Variants in DYNC2I1 observed in about 807,000 individuals in gnomAD.
The protein encoded by DYNC2I1 is dynein 2 intermediate chain 1, also known as cytoplasmic dynein 2 intermediate chain 1.
DYNC2I1 carries 89 observed loss-of-function variants against 133.4 expected under a neutral mutation model. The ratio of observed to expected loss-of-function variants is 0.67; its 90% CI spans 0.56 to 0.80. DYNC2I1 has a LOEUF of 0.80. DYNC2I1 is among the 30% of genes least tolerant of loss of function. DYNC2I1 has a pLI of 0.00. For missense variants in DYNC2I1, 1,291 were observed against 1,314.5 expected (o/e 0.98, Z 0.28); for synonymous variants, 504 against 484.3 (o/e 1.04, Z -0.54).
chr7:158,877,517 G>A (rs1022567701), intron 4 of DYNC2I1, among the ~76,000 whole-genome samples: 1 of 152,186 alleles, frequency 6.6e-6, no homozygotes, highest in Non-Finnish European at 1.5e-5. Flanking sequence ...TTACATAAAA[G>A]TTGTAATTAT....
chr7:158,885,252 T>C (rs528983555), intron 6 of DYNC2I1, among the ~76,000 whole-genome samples: 38 of 152,250 alleles, frequency 2.5e-4, no homozygotes, highest in Middle Eastern at 3.4e-3. Flanking sequence ...TACCTCTTAG[T>C]TGCAGTGTTG....
At chr7:158,907,922 G>A (rs1323923305) in intron 11 of DYNC2I1, among the ~76,000 whole-genome samples, 1 of 151,986 alleles carries the variant, frequency 6.6e-6, no homozygotes, top group Non-Finnish European at 1.5e-5. Flanking sequence ...TGGTAATCTA[G>A]TAATTGGTAG....
chr7:158,935,513 G>A (rs1371816816), intron 23 of DYNC2I1, among the ~76,000 whole-genome samples: 4 of 152,192 alleles, frequency 2.6e-5, no homozygotes, highest in Admixed American at 2.0e-4. Context: ...GGGAAAGATT[G>A]TTATTTATTC....
intron 4 of DYNC2I1, 66 bp from the exon 5 acceptor site, chr7:158,879,614 CAGAG>C: frequency 1.4e-6 from 2 of 1,476,548 alleles, no homozygotes; most frequent in Middle Eastern, 4.6e-4. Flanking sequence ...GCAGAACCCA[CAGAG>C]AGGGAGGGCT....
At chr7:158,919,533 A>G (rs1267620319) in intron 15 of DYNC2I1, among the ~76,000 whole-genome samples, 1 of 152,202 alleles carries the variant, frequency 6.6e-6, no homozygotes, top group African/African-American at 2.4e-5. Flanking sequence ...GTTTTTGTGG[A>G]GAACCAGCAG....
Position 158,871,579 on chromosome 7 carries a change from C to T in DYNC2I1, c.490+17C>T, listed in dbSNP as rs560026653. The stretch of plus-strand genomic sequence containing the variant: ...GCCGCTCAGGTGGGTCCCCGCTTGC[C>T]TTCCTGTGGTTCCACCCGAGGTGCC... On this transcript the variant is annotated intron_variant, in intron 3 of 24. Coordinates refer to ENST00000407559, the MANE Select transcript of DYNC2I1 (RefSeq NM_018051.5). The T allele has an allele frequency of 2.2e-5, 34 of 1,513,332 alleles. No homozygotes were observed. In the South Asian group the frequency reaches 3.4e-4, roughly 15 times the overall value. 93.7% of individuals were successfully genotyped at this position (1,513,332 alleles called of 1,614,324 possible). A position where few individuals can be genotyped will look rare whatever the true frequency, so the allele number is the denominator to read the frequency against.
At chr7:158,941,899 G>T (rs1245905110) in intron 23 of DYNC2I1, 26 bp from the exon 24 acceptor site, 1 of 1,570,096 alleles carries the variant, frequency 6.4e-7, no homozygotes, top group African/African-American at 1.4e-5. Context: ...GCCATGCTCA[G>T]CAGTGTTCTT....
rs74965627 is a variant in DYNC2I1 at position 158,913,132 on chromosome 7, T to G, written c.1702+36T>G. On this transcript the variant is annotated intron_variant, in intron 13 of 24. Coordinates refer to ENST00000407559, the MANE Select transcript of DYNC2I1 (RefSeq NM_018051.5). Reference sequence around the variant, plus strand: ...GCTCTTGAGTGTTGACCATTGACTCTCTTTACATTCTTTTTTGTTTTATTT... The same window carrying G: ...GCTCTTGAGTGTTGACCATTGACTCGCTTTACATTCTTTTTTGTTTTATTT... 2.7e-3 allele frequency: 3,858 copies of G among 1,428,934 alleles called. 12 individuals are homozygous for G. The highest frequency in any genetic ancestry group is 0.01 in the Middle Eastern group (56 of 5,580). 88.5% of individuals were successfully genotyped at this position (1,428,934 alleles called of 1,614,324 possible).
downstream of DYNC2I1, among the ~76,000 whole-genome samples, chr7:158,948,341 G>A (rs1466933602): frequency 2.0e-5 from 3 of 152,228 alleles, no homozygotes; most frequent in Non-Finnish European, 2.9e-5. Context: ...TTCTTCCAAG[G>A]CAGACAGCGG....
At chr7:158,844,189 T>A in the DYNC2I1 span, among the ~76,000 whole-genome samples, 218 of 152,322 alleles carry the variant, frequency 1.4e-3, 1 homozygote, top group African/African-American at 4.8e-3. Flanking sequence ...AGTTCCCAAG[T>A]GAGTTTGGGG....
intron 15 of DYNC2I1, among the ~76,000 whole-genome samples, chr7:158,921,419 C>T (rs192123074): frequency 1.3e-4 from 20 of 152,226 alleles, no homozygotes; most frequent in South Asian, 2.1e-4. Context: ...TCCTAAAAAT[C>T]GCTACACCGT....
At chr7:158,862,541 AC>A (rs1390413131) in intron 1 of DYNC2I1, among the ~76,000 whole-genome samples, 1 of 129,662 alleles carries the variant, frequency 7.7e-6, no homozygotes, top group African/African-American at 3.1e-5. Flanking sequence ...ACATAGCAAG[AC>A]CCTATCTCTT....
intron 11 of DYNC2I1, among the ~76,000 whole-genome samples, chr7:158,908,801 C>A (rs1420692186): frequency 6.6e-6 from 1 of 152,132 alleles, no homozygotes; most frequent in Non-Finnish European, 1.5e-5. Context: ...ACAGGAAATA[C>A]CTGTCGGTGG....
chr7:158,928,329 C>T (rs1849832208), intron 20 of DYNC2I1, among the ~76,000 whole-genome samples: 1 of 151,968 alleles, frequency 6.6e-6, no homozygotes, highest in Non-Finnish European at 1.5e-5. Flanking sequence ...TAATGACAAA[C>T]CCCCCTTTCA....
chr7:158,887,154 T>C (rs1162452563), intron 7 of DYNC2I1, 79 bp downstream of exon 7: 2 of 1,469,046 alleles, frequency 1.4e-6, no homozygotes, highest in Non-Finnish European at 9.5e-7. Flanking sequence ...GGCTTCCCCT[T>C]GAAACCAGAG....
chr7:158,915,657 G>A (rs1417089439), intron 14 of DYNC2I1, among the ~76,000 whole-genome samples: 10 of 126,830 alleles, frequency 7.9e-5, no homozygotes, highest in Admixed American at 1.5e-4. Flanking sequence ...CGACACGGTG[G>A]TTGACATTAA....
the DYNC2I1 span, among the ~76,000 whole-genome samples, chr7:158,841,505 G>A: frequency 2.0e-5 from 3 of 151,988 alleles, no homozygotes; most frequent in South Asian, 2.1e-4. Context: ...AAGCCACCAC[G>A]CCCGGCCCCA....
intron 7 of DYNC2I1, among the ~76,000 whole-genome samples, chr7:158,890,860 C>A (rs1845140297): frequency 6.6e-6 from 1 of 152,092 alleles, no homozygotes; most frequent in Non-Finnish European, 1.5e-5. Context: ...AGGCGTGAAC[C>A]ACTGTGCCCA....
At chr7:158,883,483 C>G (rs1237426346) in intron 5 of DYNC2I1, among the ~76,000 whole-genome samples, 1 of 150,990 alleles carries the variant, frequency 6.6e-6, no homozygotes, top group Non-Finnish European at 1.5e-5. Context: ...CCTACCAAGG[C>G]CAAGTGTTAC....
Sources: gnomAD v4.1 joint callset for allele counts (sites outside exome capture counted in the v4.1 genomes callset) on GRCh38, gnomAD v4.1.1 for gene constraint, MANE v1.5 for transcripts, NCBI Gene and HGNC (gene_info 2026-07-23, HGNC 2026-07-21) for gene names.